Variants in PELI1 observed in about 807,000 individuals in gnomAD.
PELI1 encodes the protein pellino E3 ubiquitin protein ligase 1.
A neutral mutation model predicts 41.3 loss-of-function variants in PELI1; 15 were observed. The observed-to-expected ratio is 0.36, with a 90% CI of 0.24 to 0.56. The LOEUF is 0.56. Among genes scored for constraint, PELI1 ranks in the 20% least tolerant of loss-of-function variants. The pLI, the probability that PELI1 is intolerant of heterozygous loss-of-function variation, is 0.82. For missense variants in PELI1, 403 were observed against 525.5 expected, an observed-to-expected ratio of 0.77 and a Z score of 2.28; for synonymous variants, 178 against 180.1, an observed-to-expected ratio of 0.99 and a Z score of 0.09.
At chr2:64,099,233 C>G (rs947721483) in intron 4 of PELI1, among the ~76,000 whole-genome samples, 2 of 151,440 alleles carry the variant, frequency 1.3e-5, no homozygotes, top group African/African-American at 4.9e-5. Flanking sequence ...ATTAAAGAGA[C>G]GAAGTCTCAC....
At chr2:64,141,837 AC>A (rs1681923800) in intron 1 of PELI1, among the ~76,000 whole-genome samples, 1 of 152,206 alleles carries the variant, frequency 6.6e-6, no homozygotes, top group African/African-American at 2.4e-5. Flanking sequence ...GCAAAGCCAG[AC>A]TTTGCCAGTC....
intron 4 of PELI1, among the ~76,000 whole-genome samples, chr2:64,099,165 T>TACACACACACAC (rs70965174): frequency 1.8e-3 from 256 of 144,886 alleles, no homozygotes; most frequent in East Asian, 3.8e-3. Context: ...ATCTTGGAGA[T>TACACACACACAC]ACACACACAC....
intron 1 of PELI1, among the ~76,000 whole-genome samples, chr2:64,108,718 G>C (rs1413444390): frequency 6.6e-6 from 1 of 152,132 alleles, no homozygotes; most frequent in African/African-American, 2.4e-5. Flanking sequence ...AGGGACCTCA[G>C]GACCCATGGA....
At chr2:64,134,340 C>T (rs1681649878) in intron 1 of PELI1, among the ~76,000 whole-genome samples, 1 of 152,134 alleles carries the variant, frequency 6.6e-6, no homozygotes, top group South Asian at 2.1e-4. Context: ...TGTCTGCTCT[C>T]AATGAAGTTA....
At chr2:64,124,023 A>G (rs1041440045) in intron 1 of PELI1, among the ~76,000 whole-genome samples, 1 of 152,228 alleles carries the variant, frequency 6.6e-6, no homozygotes, top group African/African-American at 2.4e-5. Flanking sequence ...CTGCTAAGTG[A>G]AAGAAGTCAG....
chr2:64,118,489 A>C (rs1205598030), intron 1 of PELI1, among the ~76,000 whole-genome samples: 1 of 152,204 alleles, frequency 6.6e-6, no homozygotes, highest in African/African-American at 2.4e-5. Context: ...CTATAGAAAG[A>C]AAAAAAGTTC....
chr2:64,108,735 C>T (rs532515578), intron 1 of PELI1, among the ~76,000 whole-genome samples: 13 of 152,268 alleles, frequency 8.5e-5, no homozygotes, highest in African/African-American at 2.4e-4. Flanking sequence ...TGGAATGACA[C>T]GGTGGTGTAA....
intron 1 of PELI1, among the ~76,000 whole-genome samples, chr2:64,127,975 T>C (rs1232522564): frequency 6.6e-6 from 1 of 152,166 alleles, no homozygotes; most frequent in African/African-American, 2.4e-5. Context: ...AGTCCTTCTT[T>C]CTGAAAAGAA....
chr2:64,119,008 T>C (rs1681113876), intron 1 of PELI1, among the ~76,000 whole-genome samples: 1 of 44,574 alleles, frequency 2.2e-5, no homozygotes, highest in Non-Finnish European at 3.6e-5. Flanking sequence ...CTAAGTACTG[T>C]AGCTTGATTG....
chr2:64,142,374 T>C (rs758259496), intron 1 of PELI1, among the ~76,000 whole-genome samples: 28 of 152,310 alleles, frequency 1.8e-4, no homozygotes, highest in African/African-American at 5.3e-4. Flanking sequence ...GACAACTATA[T>C]AGTACAAAAT....
chr2:64,134,920 C>T (rs1285300388), intron 1 of PELI1, among the ~76,000 whole-genome samples: 2 of 152,158 alleles, frequency 1.3e-5, no homozygotes, highest in Non-Finnish European at 2.9e-5. Context: ...TTGAGCACTA[C>T]AATGAGTTAC....
chr2:64,121,877 C>T (rs1228333723), intron 1 of PELI1, among the ~76,000 whole-genome samples: 1 of 150,244 alleles, frequency 6.7e-6, no homozygotes, highest in Non-Finnish European at 1.5e-5. Context: ...GGCACTCCAG[C>T]CTGGACAACA....
chr2:64,133,212 GTTT>G (rs1176265897), intron 1 of PELI1, among the ~76,000 whole-genome samples: 1 of 152,076 alleles, frequency 6.6e-6, no homozygotes, highest in Admixed American at 6.5e-5. Context: ...ACCCCCATGA[GTTT>G]TCTTCAATCA....
chr2:64,113,424 C>T (rs1411773132), intron 1 of PELI1, among the ~76,000 whole-genome samples: 1 of 152,026 alleles, frequency 6.6e-6, no homozygotes, highest in Non-Finnish European at 1.5e-5. Flanking sequence ...TTAGTTTGAC[C>T]TCATGTATTC....
intron 4 of PELI1, among the ~76,000 whole-genome samples, chr2:64,099,165 T>TACACACAC (rs70965174): frequency 0.022 from 3,129 of 144,842 alleles, 44 homozygotes; most frequent in South Asian, 0.07. Context: ...ATCTTGGAGA[T>TACACACAC]ACACACACAC....
chr2:64,103,252 T>C (rs1355455488), intron 3 of PELI1, among the ~76,000 whole-genome samples: 1 of 152,124 alleles, frequency 6.6e-6, no homozygotes, highest in Non-Finnish European at 1.5e-5. Context: ...GGAAGAAAAG[T>C]ACAGAATATG....
intron 3 of PELI1, among the ~76,000 whole-genome samples, chr2:64,102,850 TTTTTTA>T (rs1010043737): frequency 7.5e-6 from 1 of 133,408 alleles, no homozygotes; most frequent in African/African-American, 2.7e-5. Flanking sequence ...TTTTTTTTTT[TTTTTTA>T]AACTGAGACA....
chr2:64,117,571 C>A (rs1223390130), intron 1 of PELI1, among the ~76,000 whole-genome samples: 1 of 152,052 alleles, frequency 6.6e-6, no homozygotes, highest in Non-Finnish European at 1.5e-5. Flanking sequence ...ATTATAAGCT[C>A]CATTCAAAAG....
At chr2:64,109,452 A>G (rs1424979854) in intron 1 of PELI1, among the ~76,000 whole-genome samples, 2 of 152,046 alleles carry the variant, frequency 1.3e-5, no homozygotes, top group African/African-American at 4.8e-5. Flanking sequence ...AGGTCGAGGC[A>G]GGCGGATCAC....
Sources: allele counts gnomAD v4.1 joint callset (sites outside exome capture counted in the v4.1 genomes callset), GRCh38; gene constraint gnomAD v4.1.1; transcripts MANE v1.5; gene names NCBI Gene and HGNC (gene_info 2026-07-23, HGNC 2026-07-21).